Variants in ADGRL3 observed in about 807,000 individuals in gnomAD.
The protein encoded by ADGRL3 is calcium-independent alpha-latrotoxin receptor 3.
ADGRL3 carries 62 observed loss-of-function variants against 153.5 expected under a neutral mutation model. That is an observed-to-expected ratio of 0.40 (90% CI 0.33 to 0.50). ADGRL3 has a LOEUF of 0.50. ADGRL3 is among the 20% of genes least tolerant of loss of function. The probability of loss-of-function intolerance (pLI) is 0.47; values close to 1 mark genes in which losing one functional copy is unlikely to be tolerated. For missense variants in ADGRL3, 1,641 were observed against 1,859.4 expected, an observed-to-expected ratio of 0.88 and a Z score of 2.16; for synonymous variants, 710 against 672.5, an observed-to-expected ratio of 1.06 and a Z score of -0.86.
intron 6 of ADGRL3, among the ~76,000 whole-genome samples, chr4:61,692,444 AT>A (rs33992337): frequency 0.61 from 81,583 of 134,404 alleles, 24,902 homozygotes; most frequent in East Asian, 0.88. Context: ...CTCTCTTCCT[AT>A]TTTTTTTTTT....
In ADGRL3 at chr4:61,813,900, C is replaced by T. The variant is rs878956181; in HGVS notation, c.1480+11C>T. 6.2e-7 allele frequency: 1 copy of T among 1,610,746 alleles called. No individual in the cohort carries two copies. Among genetic ancestry groups the T allele is most frequent in the Non-Finnish European group, 8.5e-7 (1 of 1,177,456 alleles). On this transcript the variant is annotated intron_variant, in intron 9 of 26. Coordinates refer to ENST00000683033, the MANE Select transcript of ADGRL3 (RefSeq NM_001387552.1). The stretch of plus-strand genomic sequence containing the variant: ...GACCCTCTGTTAAAGGTGAGTTTTT[C>T]TTTATATGAAGAAAAAGTAACTCTG...
intron 6 of ADGRL3, among the ~76,000 whole-genome samples, chr4:61,686,466 A>G (rs2151058525): frequency 6.6e-6 from 1 of 152,266 alleles, no homozygotes; most frequent in African/African-American, 2.4e-5. Context: ...TTGGTTTAGA[A>G]AGCACTTCAT....
Position 61,372,303 on chromosome 4 carries a change from G to A in ADGRL3, c.-239-10821G>A, listed in dbSNP as rs182103726. On this transcript the variant is annotated intron_variant, in intron 1 of 26. Transcript: ENST00000683033. ...TGCGTTCCTTTGGAGGAGCAGAGGC[G>A]CTCTGCTTTTTAGAGTTTCCAGTTT... Among the ~76,000 whole-genome samples the A allele has an allele frequency of 4.4e-3, 674 of 152,166 alleles. 4 individuals are homozygous for A. The highest frequency in any genetic ancestry group is 0.015 in the African/African-American group (627 of 41,474).
intron 5 of ADGRL3, among the ~76,000 whole-genome samples, chr4:61,631,835 G>A (rs979212935): frequency 2.7e-5 from 4 of 150,738 alleles, no homozygotes; most frequent in African/African-American, 9.8e-5. Context: ...CACCGTGTTA[G>A]CCAGGATGGT....
chr4:61,542,132 AT>A (rs916560054), intron 4 of ADGRL3, among the ~76,000 whole-genome samples: 8 of 152,138 alleles, frequency 5.3e-5, no homozygotes, highest in African/African-American at 1.2e-4. Flanking sequence ...TGTAACTGGA[AT>A]CTGGATACTC....
rs183299681 is a variant in ADGRL3 at position 61,708,954 on chromosome 4, C to T, written c.584-21668C>T. On this transcript the variant is annotated intron_variant, in intron 6 of 26. Transcript: ENST00000683033. ...CCTCCCCAGTAGCTGGGACTCCAGG[C>T]GTGCACCACCATGCCCGGCTGATTT... Among the ~76,000 whole-genome samples the T allele has an allele frequency of 3.7e-3, 558 of 152,048 alleles. 9 individuals carry two copies. The highest frequency in any genetic ancestry group is 0.025 in the Admixed American group (389 of 15,264).
chr4:61,261,790 C>A (rs2092541831), intron 1 of ADGRL3, among the ~76,000 whole-genome samples: 1 of 152,160 alleles, frequency 6.6e-6, no homozygotes, highest in Non-Finnish European at 1.5e-5. Flanking sequence ...GAGAGCATCT[C>A]CTTTCAAAAG....
chr4:61,225,340 C>T lies in ADGRL3; in HGVS notation c.-240+23575C>T, dbSNP rs143003389. ...TTTCTTCCTTGAATTGATGGCCCCA[C>T]AGTTAAAGGGCTATGTAAAACCAAA... On this transcript the variant is annotated intron_variant, in intron 1 of 26. Transcript: ENST00000683033. Among the ~76,000 whole-genome samples, 406 of 152,230 alleles carry T rather than the reference C, an allele frequency of 2.7e-3. 2 individuals are homozygous for T. The highest frequency in any genetic ancestry group is 8.7e-3 in the African/African-American group (362 of 41,540).
intron 25 of ADGRL3, among the ~76,000 whole-genome samples, chr4:62,044,978 C>T (rs1730351703): frequency 6.6e-6 from 1 of 151,884 alleles, no homozygotes; most frequent in African/African-American, 2.4e-5. Context: ...AACCTGTGTA[C>T]TTGGAAAAAA....
At chr4:61,605,679 A>G (rs529803888) in intron 5 of ADGRL3, among the ~76,000 whole-genome samples, 2 of 152,206 alleles carry the variant, frequency 1.3e-5, no homozygotes, top group Non-Finnish European at 1.5e-5. Context: ...TTTTGGCAAT[A>G]ATATTACCTT....
intron 2 of ADGRL3, chr4:61,427,217 C>T (rs1179571987): frequency 6.6e-6 from 1 of 152,508 alleles, no homozygotes; most frequent in Non-Finnish European, 1.5e-5. Flanking sequence ...TGCCACATAC[C>T]CATTTCCTGA....
At chr4:61,463,223 C>T (rs1320103226) in intron 2 of ADGRL3, among the ~76,000 whole-genome samples, 3 of 152,068 alleles carry the variant, frequency 2.0e-5, no homozygotes, top group Non-Finnish European at 2.9e-5. Flanking sequence ...CTTCTATATT[C>T]GTCTGTTCTC....
rs1400652427 is a variant in ADGRL3, at chr4:61,202,147, G to A, written c.-240+382G>A. 6.5e-6 allele frequency: 1 copy of A among 153,014 alleles called. No individual in the cohort carries two copies. Among genetic ancestry groups the A allele is most frequent in the Non-Finnish European group, 1.5e-5 (1 of 68,682 alleles). The allele number at this position is 153,014 out of a possible 1,614,324, so 9.5% of individuals were successfully genotyped here. A position where few individuals can be genotyped will look rare whatever the true frequency, so the allele number is the denominator to read the frequency against. ...TGGCATCCCCTGGTGGGGGCAGAAA[G>A]CGGACAGGAGGGCGACTTTTCTCCG... On this transcript the variant is annotated intron_variant, in intron 1 of 26. Coordinates refer to ENST00000683033, the MANE Select transcript of ADGRL3 (RefSeq NM_001387552.1). The surrounding 1 kb of genome is among the most constrained non-coding windows in gnomAD (Gnocchi z 5.0).
intron 2 of ADGRL3, among the ~76,000 whole-genome samples, chr4:61,432,608 T>C (rs531190330): frequency 7.1e-5 from 5 of 70,380 alleles, no homozygotes; most frequent in South Asian, 6.8e-4. Context: ...CTTTCTTTCT[T>C]TCTTTCTTTC....
chr4:61,459,625 C>A (rs2097788085), intron 2 of ADGRL3, among the ~76,000 whole-genome samples: 1 of 152,016 alleles, frequency 6.6e-6, no homozygotes. Flanking sequence ...TTTTGAGAAA[C>A]CTCCATACTG....
intron 6 of ADGRL3, among the ~76,000 whole-genome samples, chr4:61,691,370 A>G (rs1220580278): frequency 1.3e-5 from 2 of 152,124 alleles, no homozygotes; most frequent in Admixed American, 6.6e-5. Context: ...ACTGATAGGG[A>G]CCAATCTATG....
At chr4:61,868,822 A>G (rs1442805147) in intron 9 of ADGRL3, among the ~76,000 whole-genome samples, 2 of 152,146 alleles carry the variant, frequency 1.3e-5, no homozygotes, top group Non-Finnish European at 2.9e-5. Flanking sequence ...CTTGGTTCCT[A>G]TGCTCACTCA....
intron 1 of ADGRL3, among the ~76,000 whole-genome samples, chr4:61,373,259 G>A (rs552104411): frequency 3.9e-5 from 6 of 152,128 alleles, no homozygotes; most frequent in East Asian, 3.9e-4. Flanking sequence ...TAACTCTGTC[G>A]CTTTTTCTAA....
At chr4:61,635,066 T>C (rs1029041302) in intron 5 of ADGRL3, among the ~76,000 whole-genome samples, 1 of 152,112 alleles carries the variant, frequency 6.6e-6, no homozygotes, top group Admixed American at 6.6e-5. Context: ...GTAGTCTCAC[T>C]GAGAACTAAA....
Sources: gnomAD v4.1 joint callset for allele counts (sites outside exome capture counted in the v4.1 genomes callset) on GRCh38, gnomAD v4.1.1 for gene constraint, Gnocchi (gnomAD v3.1) non-coding constraint, MANE v1.5 for transcripts, NCBI Gene and HGNC (gene_info 2026-07-23, HGNC 2026-07-21) for gene names.